HTR4: variants seen among roughly 807,000 people sequenced by gnomAD.
The protein encoded by HTR4 is 5-hydroxytryptamine (serotonin) receptor 4, G protein-coupled.
Under a neutral mutation model 36.8 loss-of-function variants are expected in HTR4, and 16 were observed. That is an observed-to-expected ratio of 0.43 (90% confidence interval 0.29 to 0.66). HTR4 has a LOEUF of 0.66. Among genes scored for constraint, HTR4 ranks in the 30% least tolerant of loss-of-function variants. HTR4 has a pLI of 0.13. For synonymous variants in HTR4, 189 were observed against 185.1 expected (o/e 1.02, Z -0.17); for missense variants, 438 against 490.9 (o/e 0.89, Z 1.02).
At chr5:148,461,145 T>A (rs376480202) in intron 5 of HTR4, among the ~76,000 whole-genome samples, 1 of 151,628 alleles carries the variant, frequency 6.6e-6, no homozygotes, top group Non-Finnish European at 1.5e-5. Flanking sequence ...ATAGAAAAGA[T>A]AGAAAATAGA....
At chr5:148,529,800 G>A (rs953733894) in intron 4 of HTR4, among the ~76,000 whole-genome samples, 10 of 152,194 alleles carry the variant, frequency 6.6e-5, no homozygotes, top group African/African-American at 2.4e-4. Flanking sequence ...AATGGCTTTG[G>A]CCAAAATGCT....
downstream of HTR4, chr5:148,476,510 G>T (rs1755701494): frequency 1.6e-6 from 2 of 1,214,938 alleles, no homozygotes; most frequent in Non-Finnish European, 2.1e-6. Context: ...TCAGAAGGCT[G>T]CAGCTTTTGA....
At chr5:148,648,805 C>A (rs1212354210) in intron 1 of HTR4, among the ~76,000 whole-genome samples, 1 of 152,142 alleles carries the variant, frequency 6.6e-6, no homozygotes, top group Non-Finnish European at 1.5e-5. Flanking sequence ...ACTAAGAGAA[C>A]AGACTCCTGG....
intron 2 of HTR4, among the ~76,000 whole-genome samples, chr5:148,611,217 C>T (rs1327315985): frequency 6.8e-6 from 1 of 146,920 alleles, no homozygotes; most frequent in Non-Finnish European, 1.5e-5. Flanking sequence ...CTCCAAGACA[C>T]ATAATTGTCA....
intron 1 of HTR4, among the ~76,000 whole-genome samples, chr5:148,640,173 C>T (rs141998966): frequency 2.4e-4 from 36 of 152,312 alleles, no homozygotes; most frequent in East Asian, 1.7e-3. Flanking sequence ...TCTTATTATA[C>T]GTCCTCCCAC....
intron 2 of HTR4, among the ~76,000 whole-genome samples, chr5:148,592,348 C>T (rs1162697957): frequency 6.6e-6 from 1 of 152,000 alleles, no homozygotes; most frequent in Non-Finnish European, 1.5e-5. Flanking sequence ...ATATGTTTAC[C>T]TATGTAACAA....
intron 2 of HTR4, among the ~76,000 whole-genome samples, chr5:148,608,613 T>C (rs564326658): frequency 2.0e-4 from 30 of 152,302 alleles, no homozygotes; most frequent in Admixed American, 1.1e-3. Flanking sequence ...TTTTAATCAA[T>C]TGAAAGCAAT....
chr5:148,509,739 T>C lies in HTR4; in HGVS notation c.793A>G (p.Met265Val). Residue 265 changes from methionine (M) to valine (V), a missense_variant, in exon 6 of 7, where the codon ATG (methionine) becomes GTG (valine). Physicochemically the swap from Met to Val is conservative, Grantham distance 21. Transcript: ENST00000377888. ...TKAAKTLCII[M>V]GCFCLCWAPF... Reference sequence around the variant, plus strand: ...GCCCAGCAGAGGCAGAAGCAACCCATGATGATGCACAGGGTCTTGGCTGCT... The same window carrying C: ...GCCCAGCAGAGGCAGAAGCAACCCACGATGATGCACAGGGTCTTGGCTGCT... The C allele has an allele frequency of 6.2e-7, 1 of 1,613,982 alleles. No homozygotes were observed.
intron 1 of HTR4, among the ~76,000 whole-genome samples, chr5:148,640,162 ATCT>A (rs1393242592): frequency 6.6e-6 from 1 of 152,206 alleles, no homozygotes; most frequent in Non-Finnish European, 1.5e-5. Flanking sequence ...CATTCTTGTC[ATCT>A]TATTATACGT....
intron 6 of HTR4, among the ~76,000 whole-genome samples, chr5:148,507,766 A>G (rs1757296479): frequency 6.6e-6 from 1 of 152,180 alleles, no homozygotes; most frequent in Non-Finnish European, 1.5e-5. Context: ...TATGAAAAAA[A>G]CCATCAACTG....
chr5:148,517,014 C>G (rs1023784371), intron 5 of HTR4, among the ~76,000 whole-genome samples: 2 of 152,156 alleles, frequency 1.3e-5, no homozygotes, highest in African/African-American at 4.8e-5. Context: ...AGTGTAGCTA[C>G]TAAGTCTTAT....
downstream of HTR4, among the ~76,000 whole-genome samples, chr5:148,480,284 TTC>T (rs1172738518): frequency 6.6e-6 from 1 of 152,168 alleles, no homozygotes; most frequent in African/African-American, 2.4e-5. Context: ...GATTCATAAA[TTC>T]GTGTGTTGGG....
At chr5:148,453,436 T>TA (rs1345293878) in intron 5 of HTR4, among the ~76,000 whole-genome samples, 1 of 152,242 alleles carries the variant, frequency 6.6e-6, no homozygotes, top group East Asian at 1.9e-4. Flanking sequence ...TATTTTATGT[T>TA]AAAATGGTGT....
intron 5 of HTR4, chr5:148,451,392 A>C: frequency 6.6e-7 from 1 of 1,522,696 alleles, no homozygotes; most frequent in Non-Finnish European, 8.9e-7. Context: ...GGTATGGTGA[A>C]GTGGGAGTGG....
chr5:148,549,366 C>T (rs1415265531), intron 3 of HTR4, among the ~76,000 whole-genome samples: 1 of 152,216 alleles, frequency 6.6e-6, no homozygotes, highest in Non-Finnish European at 1.5e-5. Context: ...ATTTATAACA[C>T]TGGTCAGAAT....
At chr5:148,523,848 C>T (rs1489976429) in intron 4 of HTR4, among the ~76,000 whole-genome samples, 5 of 152,108 alleles carry the variant, frequency 3.3e-5, no homozygotes, top group Non-Finnish European at 7.4e-5. Context: ...CCCTCTGGGC[C>T]TCAGTATCCA....
chr5:148,647,402 A>C (rs1303000024), intron 1 of HTR4, among the ~76,000 whole-genome samples: 1 of 152,206 alleles, frequency 6.6e-6, no homozygotes, highest in Non-Finnish European at 1.5e-5. Flanking sequence ...ACTACTTGGA[A>C]GGTGGACTAT....
intron 4 of HTR4, among the ~76,000 whole-genome samples, chr5:148,533,658 C>T (rs184141767): frequency 7.9e-4 from 121 of 152,288 alleles, no homozygotes; most frequent in African/African-American, 2.7e-3. Flanking sequence ...GTCAACTTTA[C>T]GTCTTCACCA....
intron 2 of HTR4, among the ~76,000 whole-genome samples, chr5:148,564,880 G>T (rs1007412208): frequency 6.6e-6 from 1 of 152,082 alleles, no homozygotes; most frequent in Non-Finnish European, 1.5e-5. Context: ...GGGAGGCCGA[G>T]GTGGGTGGAT....
Sources: gnomAD v4.1 joint callset for allele counts (sites outside exome capture counted in the v4.1 genomes callset) on GRCh38, gnomAD v4.1.1 for gene constraint, MANE v1.5 for transcripts, NCBI Gene and HGNC (gene_info 2026-07-23, HGNC 2026-07-21) for gene names.